The following GSDMA variants were observed in gnomAD, a reference collection of about 807,000 sequenced individuals.
The protein encoded by GSDMA is gasdermin A, also known as gasdermin-A.
A neutral mutation model predicts 54.3 loss-of-function variants in GSDMA; 55 were observed. The observed-to-expected ratio is 1.01, with a 90% confidence interval of 0.82 to 1.27. The LOEUF (loss-of-function observed/expected upper bound fraction) is 1.27, where lower values mean the gene tolerates loss of function less well. Among genes scored for constraint, GSDMA ranks in the 50% most tolerant of loss-of-function variants. The pLI, the probability that GSDMA is intolerant of heterozygous loss-of-function variation, is 0.00. For missense variants in GSDMA, 542 were observed against 542.6 expected (o/e 1.00, Z 0.01); for synonymous variants, 211 against 224.7 (o/e 0.94, Z 0.54).
At position 39,972,614 on chromosome 17, in the gene GSDMA, G is replaced by A. The variant is rs760336322; in HGVS notation, c.730+1G>A. On this transcript the variant is annotated splice_donor_variant, in intron 7 of 11. Transcript: ENST00000301659. LOFTEE classifies it high-confidence loss of function. ...AAGTCAGGAGAGGAGAAGGTCATCCGTAAGTGTTTCCTTTCATTCCACTGA... is the reference window on the plus strand; with the variant it reads ...AAGTCAGGAGAGGAGAAGGTCATCCATAAGTGTTTCCTTTCATTCCACTGA... The A allele has an allele frequency of 1.3e-5, 21 of 1,611,526 alleles. No individual in the cohort carries two copies. Among genetic ancestry groups the A allele is most frequent in the Admixed American group, 3.3e-5 (2 of 59,728 alleles).
rs1050163062 is a variant in GSDMA at position 39,972,823 on chromosome 17, C to A, written c.730+210C>A. ...TGCCCAGGTGGTCTGACGCCTGAGA[C>A]CTTTGTCCTCAACAGCCTTACTAGC... is the stretch of plus-strand genomic sequence containing the variant. On this transcript the variant is annotated intron_variant, in intron 7 of 11. Transcript: ENST00000301659. 3.3e-5 allele frequency among the ~76,000 whole-genome samples: 5 copies of A among 151,964 alleles called. 1 individual carries two copies. In the East Asian group the frequency reaches 7.7e-4, roughly 23 times the overall value.
chr17:39,965,739 C>T lies in GSDMA; in HGVS notation c.52C>T (p.Arg18Ter), dbSNP rs769506892. The change falls in exon 2 of 12, where the codon CGA (arginine) becomes TGA (stop). Residue 18 changes from arginine (R) to a stop codon, truncating the protein, a stop_gained. Transcript: ENST00000301659. LOFTEE classifies it high-confidence loss of function. The stretch of plus-strand genomic sequence containing the variant: ...GGCCCTGGCCAGACAGCTAAACCCT[C>T]GAGGGGACCTGACACCACTTGACAG... ...TRALARQLNP[R>*]GDLTPLDSLI... 2.2e-5 allele frequency: 35 copies of T among 1,611,868 alleles called. 1 individual carries two copies. The highest frequency in any genetic ancestry group is 2.0e-4 in the South Asian group (18 of 90,524).
intron 3 of GSDMA, among the ~76,000 whole-genome samples, chr17:39,968,100 G>A (rs1255211668): frequency 6.6e-6 from 1 of 151,934 alleles, no homozygotes; most frequent in Non-Finnish European, 1.5e-5. Flanking sequence ...TTTGTGATCT[G>A]TCCGCCTCGG....
At position 39,974,321 on chromosome 17, in the gene GSDMA, A is replaced by T. The variant is rs1260035693; in HGVS notation, c.800A>T (p.Glu267Val). 1 of 1,610,880 alleles carries T rather than the reference A, an allele frequency of 6.2e-7. No individual in the cohort carries two copies. The highest frequency in any genetic ancestry group is 2.2e-5 in the East Asian group (1 of 44,844). Residue 267 changes from glutamate to valine, a missense_variant, in exon 9 of 12, where the codon GAG becomes GTG. Coordinates refer to ENST00000301659, the MANE Select transcript of GSDMA (RefSeq NM_178171.5). ...ACACTAAAAGAAGAAGTTCAGAGAGAGACCCAACAAGTGGAGAAGCTGAGC... is the reference window on the plus strand; with the variant it reads ...ACACTAAAAGAAGAAGTTCAGAGAGTGACCCAACAAGTGGAGAAGCTGAGC... ...FRTLKEEVQR[E>V]TQQVEKLSRV...
At chr17:39,966,924 C>G (rs375057656) in intron 3 of GSDMA, among the ~76,000 whole-genome samples, 2 of 152,316 alleles carry the variant, frequency 1.3e-5, no homozygotes, top group East Asian at 3.9e-4. Flanking sequence ...ACACACTAAG[C>G]ACGCCCTCGG....
chr17:39,974,407 C>A lies in GSDMA; in HGVS notation c.886C>A (p.Leu296Ile). The A allele has an allele frequency of 6.3e-7, 1 of 1,586,366 alleles. No homozygotes were observed. Residue 296 changes from leucine (L) to isoleucine (I), a missense_variant, in exon 9 of 12, where the codon CTA becomes ATA. Physicochemically the swap from Leu to Ile is conservative, Grantham distance 5. Coordinates refer to ENST00000301659, the MANE Select transcript of GSDMA (RefSeq NM_178171.5). The part of the protein sequence containing the change: ...LSKLLGKKKE[L>I]QDLELALEGA... Reference sequence around the variant, plus strand: ...CAAACTTCTAGGGAAGAAAAAGGAGCTACAAGACCTTGAGCTCGCAGTGAG... The same window carrying A: ...CAAACTTCTAGGGAAGAAAAAGGAGATACAAGACCTTGAGCTCGCAGTGAG...
intron 8 of GSDMA, 72 bp downstream of exon 8, chr17:39,973,902 C>T (rs919077414): frequency 6.0e-5 from 81 of 1,339,484 alleles, no homozygotes; most frequent in Non-Finnish European, 7.9e-5. Context: ...GAGGAGAAGG[C>T]GAAGTCATTC....
chr17:39,971,470 T>G, intron 4 of GSDMA, 54 bp from the exon 5 acceptor site: 1 of 1,430,094 alleles, frequency 7.0e-7, no homozygotes, highest in Non-Finnish European at 9.9e-7. Context: ...ACGCTCCCAA[T>G]ATCTCATACT....
At chr17:39,975,598 T>G (rs1980166569) in intron 10 of GSDMA, among the ~76,000 whole-genome samples, 1 of 152,236 alleles carries the variant, frequency 6.6e-6, no homozygotes, top group African/African-American at 2.4e-5. Flanking sequence ...AGCTCATCAC[T>G]TCTATCCTGA....
At chr17:39,973,564 G>GAA (rs34114516) in intron 7 of GSDMA, among the ~76,000 whole-genome samples, 27 of 144,412 alleles carry the variant, frequency 1.9e-4, no homozygotes, top group African/African-American at 2.8e-4. Context: ...GCCTGGCCTA[G>GAA]AAAAAAAAAA....
chr17:39,976,276 A>ATT (rs10549101), intron 11 of GSDMA, among the ~76,000 whole-genome samples: 1 of 142,752 alleles, frequency 7.0e-6, no homozygotes. Flanking sequence ...TTGTAAGCAA[A>ATT]TTTTTTTTTT....
At chr17:39,976,709 G>A in intron 11 of GSDMA, 107 bp from the exon 12 acceptor site, 1 of 1,454,916 alleles carries the variant, frequency 6.9e-7, no homozygotes, top group East Asian at 2.3e-5. Context: ...GTAAGGTAAA[G>A]TAAGGAATTC....
At position 39,965,794 on chromosome 17, in the gene GSDMA, T is replaced by C. The variant is rs766102474; in HGVS notation, c.107T>C (p.Phe36Ser). 1 of 1,606,214 alleles carries C rather than the reference T, an allele frequency of 6.2e-7. No individual in the cohort carries two copies. The highest frequency in any genetic ancestry group is 1.1e-5 in the South Asian group (1 of 89,474). Reference sequence around the variant, plus strand: ...ATCGACTTCAAGCGCTTCCATCCCTTCTGCCTGGTGCTGAGGAAGAGGAAG... The same window carrying C: ...ATCGACTTCAAGCGCTTCCATCCCTCCTGCCTGGTGCTGAGGAAGAGGAAG... The part of the protein sequence containing the change: ...SLIDFKRFHP[F>S]CLVLRKRKST... Residue 36 changes from phenylalanine to serine, a missense_variant, in exon 2 of 12, where the codon TTC becomes TCC. By Grantham distance (155) the Phe-to-Ser change is radical. Transcript: ENST00000301659.
At chr17:39,968,493 G>A (rs186984532) in intron 3 of GSDMA, among the ~76,000 whole-genome samples, 11 of 151,532 alleles carry the variant, frequency 7.3e-5, no homozygotes, top group African/African-American at 9.7e-5. Context: ...GATTGCAGGC[G>A]CACGCCACTA....
intron 11 of GSDMA, 22 bp from the exon 12 acceptor site, chr17:39,976,794 A>C: frequency 6.2e-7 from 1 of 1,611,564 alleles, no homozygotes; most frequent in Non-Finnish European, 8.5e-7. Flanking sequence ...CTTTCTTTTC[A>C]TGCTGTTTTG....
At chr17:39,975,104 A>T (rs1980144512) in intron 10 of GSDMA, 90 bp downstream of exon 10, 3 of 751,114 alleles carry the variant, frequency 4.0e-6, no homozygotes, top group East Asian at 2.7e-5. Flanking sequence ...GAATAAATGA[A>T]TGAATGACAA....
In GSDMA at chr17:39,977,292, CTTTT is replaced by C. The variant is rs397965095; in HGVS notation, c.*248_*251del. On this transcript the variant is annotated 3_prime_UTR_variant, in exon 12 of 12. Coordinates refer to ENST00000301659, the MANE Select transcript of GSDMA (RefSeq NM_178171.5). Reference sequence around the variant, plus strand: ...CTTAAATTTTCTTTACTTTTCTTTTCTTTTTTTTTTTTTTTTTGAGATGGAGGCT... The same window carrying C: ...CTTAAATTTTCTTTACTTTTCTTTTCTTTTTTTTTTTTTGAGATGGAGGCT... 7.9e-4 allele frequency: 47 copies of C among 59,756 alleles called. No individual in the cohort carries two copies. The highest frequency in any genetic ancestry group is 1.5e-3 in the South Asian group (5 of 3,394). The allele number at this position is 59,756 out of a possible 1,614,324, so 3.7% of individuals were successfully genotyped here. A position where few individuals can be genotyped will look rare whatever the true frequency, so the allele number is the denominator to read the frequency against.
chr17:39,963,428 G>C (rs1344629727), intron 1 of GSDMA, among the ~76,000 whole-genome samples: 1 of 152,100 alleles, frequency 6.6e-6, no homozygotes, highest in African/African-American at 2.4e-5. Context: ...GCTGTGAAGT[G>C]CCTGTGGTGG....
intron 3 of GSDMA, among the ~76,000 whole-genome samples, chr17:39,969,951 A>C (rs1048644125): frequency 6.0e-5 from 6 of 99,190 alleles, no homozygotes; most frequent in Admixed American, 2.5e-4. Context: ...AAAGCAAACA[A>C]ATTTGTTAGG....
Sources: allele counts gnomAD v4.1 joint callset (sites outside exome capture counted in the v4.1 genomes callset), GRCh38; gene constraint gnomAD v4.1.1; transcripts MANE v1.5; gene names NCBI Gene and HGNC (gene_info 2026-07-23, HGNC 2026-07-21).